The following MEP1A variants were observed in gnomAD, a reference collection of about 807,000 sequenced individuals.
MEP1A encodes the protein meprin A subunit alpha, also known as N-benzoyl-L-tyrosyl-P-amino-benzoic acid hydrolase subunit alpha.
In MEP1A, 68 loss-of-function variants were observed where a neutral mutation model predicts 84.5. That is an observed-to-expected ratio of 0.80 (90% CI 0.66 to 0.98). The LOEUF (loss-of-function observed/expected upper bound fraction) is 0.98. Ranked by LOEUF, MEP1A falls within the 50% of genes least tolerant of loss-of-function variation. The pLI, the probability that MEP1A is intolerant of heterozygous loss-of-function variation, is 0.00. For missense variants in MEP1A, 887 were observed against 919.9 expected, an observed-to-expected ratio of 0.96 and a Z score of 0.46; for synonymous variants, 337 against 336.8, an observed-to-expected ratio of 1.00 and a Z score of -0.01.
chr6:46,815,228 G>A (rs1488235578), intron 6 of MEP1A, among the ~76,000 whole-genome samples: 3 of 152,200 alleles, frequency 2.0e-5, no homozygotes, highest in Admixed American at 6.5e-5. Context: ...GGATAGGCAT[G>A]TCTGAGCTCA....
Position 46,835,427 on chromosome 6 carries a change from G to A in MEP1A, c.1962G>A (p.Ser654=), listed in dbSNP as rs777934653. 22 of 1,612,038 alleles carry A rather than the reference G, an allele frequency of 1.4e-5. 1 individual carries two copies. The highest frequency in any genetic ancestry group is 3.4e-4 in the Middle Eastern group (2 of 5,910). ...SQGQPSRQKR[S]VENTGPLEDH... ...GGCAGCCCAGCCGACAGAAGCGGTC[G>A]GTGGAGAACACAGGCCCCCTGGAGG... Residue 654 remains serine (S), a synonymous_variant, in exon 13 of 14, where the codon TCG becomes TCA. Coordinates refer to ENST00000230588, the MANE Select transcript of MEP1A (RefSeq NM_005588.3).
At chr6:46,794,322 A>T (rs1266926046) in intron 3 of MEP1A, among the ~76,000 whole-genome samples, 1 of 152,212 alleles carries the variant, frequency 6.6e-6, no homozygotes, top group Non-Finnish European at 1.5e-5. Flanking sequence ...TTAGGTCAGG[A>T]TTTGTGGAAG....
rs1008977025 is a variant in MEP1A, at chr6:46,834,657, C to T, written c.1689C>T (p.Ile563=). The change falls in exon 12 of 14, where the codon ATC becomes ATT. Residue 563 remains isoleucine (I), a synonymous_variant. Coordinates refer to ENST00000230588, the MANE Select transcript of MEP1A (RefSeq NM_005588.3). Reference sequence around the variant, plus strand: ...CGGACTGTAATTGTTTTAGAAGCATCGACTTGGGCTGGAGTGGTTTCATTT... The same window carrying T: ...CGGACTGTAATTGTTTTAGAAGCATTGACTTGGGCTGGAGTGGTTTCATTT... The part of the protein sequence containing the change: ...YHTDCNCFRS[I]DLGWSGFISH... The T allele has an allele frequency of 3.7e-6, 6 of 1,611,074 alleles. No homozygotes were observed. In the East Asian group the frequency reaches 8.9e-5, roughly 24 times the overall value.
At chr6:46,835,166 T>C in intron 12 of MEP1A, 83 bp from the exon 13 acceptor site, 1 of 1,263,962 alleles carries the variant, frequency 7.9e-7, no homozygotes, top group Non-Finnish European at 1.1e-6. Context: ...AGAAGCAGGC[T>C]GGGGAACTTT....
At chr6:46,812,405 AT>A (rs1767526224) in intron 6 of MEP1A, among the ~76,000 whole-genome samples, 1 of 151,596 alleles carries the variant, frequency 6.6e-6, no homozygotes. Flanking sequence ...AATTTTATTT[AT>A]TTTTTCAAAG....
intron 13 of MEP1A, among the ~76,000 whole-genome samples, chr6:46,836,214 G>C (rs928616540): frequency 1.3e-5 from 2 of 152,188 alleles, no homozygotes; most frequent in Non-Finnish European, 2.9e-5. Context: ...GCTGGGACTT[G>C]CATCTAGGTC....
At chr6:46,818,442 T>C (rs1033469628) in intron 6 of MEP1A, among the ~76,000 whole-genome samples, 1 of 152,174 alleles carries the variant, frequency 6.6e-6, no homozygotes, top group Admixed American at 6.5e-5. Context: ...CTGCTCAGCA[T>C]TGGGTAAAAT....
chr6:46,827,063 C>G (rs898867120), intron 9 of MEP1A, among the ~76,000 whole-genome samples: 63 of 152,218 alleles, frequency 4.1e-4, no homozygotes, highest in Non-Finnish European at 8.8e-5. Flanking sequence ...TACAGTACAT[C>G]TCAGTTTGCA....
chr6:46,809,394 A>ATTGATATTTTCTTTATCACCTTG (rs1562107802), intron 5 of MEP1A, 26 bp from the exon 6 acceptor site: 1 of 1,411,290 alleles, frequency 7.1e-7, no homozygotes, highest in Non-Finnish European at 9.9e-7. Flanking sequence ...AATAATGCTC[A>ATTGATATTTTCTTTATCACCTTG]TTGATATTTT....
downstream of MEP1A, among the ~76,000 whole-genome samples, chr6:46,843,195 C>T (rs1768363277): frequency 6.6e-6 from 1 of 152,216 alleles, no homozygotes; most frequent in Non-Finnish European, 1.5e-5. Flanking sequence ...CATCCCTGGC[C>T]TCTACTTACT....
At chr6:46,801,037 C>G (rs910858469) in intron 5 of MEP1A, among the ~76,000 whole-genome samples, 1 of 152,082 alleles carries the variant, frequency 6.6e-6, no homozygotes, top group African/African-American at 2.4e-5. Flanking sequence ...TAATACTATA[C>G]TGTAAATTAC....
intron 5 of MEP1A, among the ~76,000 whole-genome samples, chr6:46,801,991 G>T (rs1180846490): frequency 6.6e-6 from 1 of 151,826 alleles, no homozygotes; most frequent in African/African-American, 2.4e-5. Context: ...TCACTATGTT[G>T]ATTACTCTAG....
chr6:46,837,981 C>T lies in MEP1A; in HGVS notation c.2085-999C>T, dbSNP rs557994173. ...ATTTCAGCTCACTGCAACTTCCACC[C>T]CCCGGGTTCAAGCAATTCTACTGCC... On this transcript the variant is annotated intron_variant, in intron 13 of 13. Transcript: ENST00000230588. Among the ~76,000 whole-genome samples the T allele has an allele frequency of 1.4e-3, 212 of 151,808 alleles. 1 individual carries two copies. Among genetic ancestry groups the T allele is most frequent in the African/African-American group, 5.0e-3 (208 of 41,374 alleles).
At chr6:46,798,690 G>GTGGTACTGCCTGTCC in intron 4 of MEP1A, 44 bp downstream of exon 4, 1 of 1,544,890 alleles carries the variant, frequency 6.5e-7, no homozygotes, top group Non-Finnish European at 9.0e-7. Context: ...AGGACAGGCA[G>GTGGTACTGCCTGTCC]TACCACTGGG....
Position 46,829,551 on chromosome 6 carries a change from T to G in MEP1A, c.1124T>G (p.Val375Gly). ...DDSTGNVRKL[V>G]KVQTFQGDDD... ...AGCACAGGCAATGTTCGCAAGTTGG[T>G]GAAGGTGCAGACTTTTCAAGGTACT... The change falls in exon 10 of 14, where the codon GTG becomes GGG. Residue 375 changes from valine to glycine, a missense_variant. By Grantham distance (109) the Val-to-Gly change is moderately radical (BLOSUM62 -3). Coordinates refer to ENST00000230588, the MANE Select transcript of MEP1A (RefSeq NM_005588.3). 1 of 1,614,040 alleles carries G rather than the reference T, an allele frequency of 6.2e-7. No homozygotes were observed. The highest frequency in any genetic ancestry group is 8.5e-7 in the Non-Finnish European group (1 of 1,179,944).
chr6:46,824,617 T>C, intron 7 of MEP1A, among the ~76,000 whole-genome samples: 1 of 134,318 alleles, frequency 7.4e-6, no homozygotes, highest in Non-Finnish European at 1.5e-5. Flanking sequence ...TATTTAAATA[T>C]ATATAAATTA....
intron 7 of MEP1A, among the ~76,000 whole-genome samples, chr6:46,822,679 G>C (rs1183877282): frequency 3.9e-5 from 6 of 152,030 alleles, no homozygotes. Context: ...GAATAGCTGG[G>C]ATGACTGGCG....
At chr6:46,797,866 CTA>C (rs1767092158) in intron 3 of MEP1A, among the ~76,000 whole-genome samples, 1 of 145,764 alleles carries the variant, frequency 6.9e-6, no homozygotes. Context: ...TTCTTACTTT[CTA>C]CCTTTCCTTC....
chr6:46,808,152 T>C (rs1273773742), intron 5 of MEP1A, among the ~76,000 whole-genome samples: 5 of 152,080 alleles, frequency 3.3e-5, no homozygotes, highest in African/African-American at 7.2e-5. Flanking sequence ...ACTTTTTTTT[T>C]CTCACATTTT....
Sources: allele counts gnomAD v4.1 joint callset (sites outside exome capture counted in the v4.1 genomes callset), GRCh38; gene constraint gnomAD v4.1.1; transcripts MANE v1.5; gene names NCBI Gene and HGNC (gene_info 2026-07-23, HGNC 2026-07-21).